The following BMAL1 variants were observed in gnomAD, a reference collection of about 807,000 sequenced individuals.
The protein encoded by BMAL1 is basic helix-loop-helix ARNT-like protein 1.
At chr11:13,329,516 TG>T in the BMAL1 span, among the ~76,000 whole-genome samples, 3 of 151,406 alleles carry the variant, frequency 2.0e-5, no homozygotes, top group Admixed American at 1.3e-4. Flanking sequence ...TGGTGGGAGG[TG>T]GGGGGTGATT....
chr11:13,284,255 TATATATA>T, the BMAL1 span, among the ~76,000 whole-genome samples: 2,566 of 39,788 alleles, frequency 0.064, 354 homozygotes, highest in Admixed American at 0.15. Context: ...TATATATATA[TATATATA>T]TATATTTTTT....
the BMAL1 span, chr11:13,381,289 C>G: frequency 6.3e-7 from 1 of 1,599,526 alleles, no homozygotes; most frequent in Non-Finnish European, 8.6e-7. Flanking sequence ...AGCTAGAGAA[C>G]CTCTTGCCCA....
the BMAL1 span, among the ~76,000 whole-genome samples, chr11:13,337,454 G>T: frequency 1.3e-5 from 2 of 152,110 alleles, no homozygotes; most frequent in Non-Finnish European, 2.9e-5. Flanking sequence ...AGATGCCAGT[G>T]CATATCTATT....
At chr11:13,340,792 C>T in the BMAL1 span, among the ~76,000 whole-genome samples, 1 of 152,286 alleles carries the variant, frequency 6.6e-6, no homozygotes, top group South Asian at 2.1e-4. Flanking sequence ...ATCACTTTTC[C>T]CAGCCTTCTC....
At chr11:13,277,615 G>A in the BMAL1 span, 1 of 152,150 alleles carries the variant, frequency 6.6e-6, no homozygotes, top group Non-Finnish European at 1.5e-5. Context: ...TTGGCTGGGG[G>A]CGGCCGCCGG....
the BMAL1 span, chr11:13,356,286 C>CA: frequency 4.4e-6 from 2 of 458,530 alleles, no homozygotes; most frequent in Non-Finnish European, 4.4e-6. Context: ...TCACTTCGTC[C>CA]CTTCCCTGCC....
At chr11:13,322,158 G>C in the BMAL1 span, among the ~76,000 whole-genome samples, 1 of 152,194 alleles carries the variant, frequency 6.6e-6, no homozygotes, top group African/African-American at 2.4e-5. Flanking sequence ...ACGAAGGAGG[G>C]CTAAGAGGAC....
At chr11:13,309,047 T>C in the BMAL1 span, among the ~76,000 whole-genome samples, 39 of 152,306 alleles carry the variant, frequency 2.6e-4, no homozygotes, top group East Asian at 3.1e-3. Flanking sequence ...CATTGAACTG[T>C]ACACTTAAAA....
At chr11:13,373,970 C>A in the BMAL1 span, 1 of 718,050 alleles carries the variant, frequency 1.4e-6, no homozygotes, top group South Asian at 1.8e-5. Context: ...AAAATCCATC[C>A]AGCTCTTTTG....
the BMAL1 span, chr11:13,366,879 T>G: frequency 1.3e-6 from 1 of 791,868 alleles, no homozygotes; most frequent in Admixed American, 2.7e-5. Context: ...GGGCTCAGCC[T>G]TTCCAGTCCT....
chr11:13,346,086 G>A, the BMAL1 span, among the ~76,000 whole-genome samples: 2 of 152,168 alleles, frequency 1.3e-5, no homozygotes, highest in Admixed American at 6.5e-5. Context: ...TTATTTCTTC[G>A]TTGTGCTACT....
the BMAL1 span, chr11:13,355,022 T>C: frequency 2.4e-6 from 1 of 415,290 alleles, no homozygotes; most frequent in Non-Finnish European, 4.3e-6. Flanking sequence ...TAAGTAAATT[T>C]TCACACTTAC....
the BMAL1 span, among the ~76,000 whole-genome samples, chr11:13,325,810 G>T: frequency 6.6e-6 from 1 of 152,004 alleles, no homozygotes; most frequent in African/African-American, 2.4e-5. Context: ...TCCCCTCTGT[G>T]TCCCTGAGAG....
chr11:13,336,733 A>G, the BMAL1 span, among the ~76,000 whole-genome samples: 1 of 152,220 alleles, frequency 6.6e-6, no homozygotes, highest in African/African-American at 2.4e-5. Flanking sequence ...CCAGGCGTTC[A>G]GAACTGAACA....
the BMAL1 span, chr11:13,380,616 T>C: frequency 6.6e-6 from 1 of 152,422 alleles, no homozygotes; most frequent in Non-Finnish European, 1.5e-5. Flanking sequence ...TCACTACTAC[T>C]AGGCTACCTT....
the BMAL1 span, among the ~76,000 whole-genome samples, chr11:13,364,197 G>A: frequency 1.3e-5 from 2 of 152,206 alleles, no homozygotes; most frequent in African/African-American, 4.8e-5. Flanking sequence ...TCCAGCAGAT[G>A]GTGCTTGGAA....
chr11:13,278,885 G>A, the BMAL1 span, among the ~76,000 whole-genome samples: 69 of 152,204 alleles, frequency 4.5e-4, no homozygotes, highest in African/African-American at 1.4e-3. Context: ...GGAAGAAGAC[G>A]AGGAAGGTAG....
the BMAL1 span, among the ~76,000 whole-genome samples, chr11:13,361,119 T>A: frequency 6.6e-6 from 1 of 151,962 alleles, no homozygotes; most frequent in Non-Finnish European, 1.5e-5. Context: ...ACAAACAAAC[T>A]TACAAAGACT....
the BMAL1 span, among the ~76,000 whole-genome samples, chr11:13,297,026 C>T: frequency 6.6e-6 from 1 of 152,196 alleles, no homozygotes; most frequent in Admixed American, 6.5e-5. Context: ...GTCTCTACAG[C>T]CCAGGTGTCT....
Sources: allele counts gnomAD v4.1 joint callset (sites outside exome capture counted in the v4.1 genomes callset), GRCh38; gene constraint gnomAD v4.1.1; transcripts MANE v1.5; gene names NCBI Gene and HGNC (gene_info 2026-07-23, HGNC 2026-07-21).